Variants in ALK observed in about 807,000 individuals in gnomAD.
ALK encodes ALK tyrosine kinase receptor.
Under a neutral mutation model 163.1 loss-of-function variants are expected in ALK, and 74 were observed. That is an observed-to-expected ratio of 0.45 (90% CI 0.38 to 0.55). ALK has a LOEUF of 0.55. Ranked by LOEUF, ALK falls within the 20% of genes least tolerant of loss-of-function variation. The pLI is 0.00. For missense variants in ALK, 2,063 were observed against 2,105.3 expected (o/e 0.98, Z 0.39); for synonymous variants, 960 against 843.2 (o/e 1.14, Z -2.40).
rs577373586 is a variant in ALK, at chr2:29,560,058, C to T, written c.953-27942G>A. Among the ~76,000 whole-genome samples, 3 of 152,212 alleles carry T rather than the reference C, an allele frequency of 2.0e-5. No homozygotes were observed. In the East Asian group the frequency reaches 5.8e-4, roughly 29 times the overall value. On this transcript the variant is annotated intron_variant, in intron 3 of 28. Transcript: ENST00000389048. ...TTTTGAAGTTTCCTAAAATATTAAG[C>T]ATGTGGTTAACATATATCTAGCAAT...
At chr2:29,881,839 T>G (rs1264432582) in intron 1 of ALK, among the ~76,000 whole-genome samples, 10 of 152,128 alleles carry the variant, frequency 6.6e-5, no homozygotes, top group Non-Finnish European at 1.5e-4. Context: ...TTACCTGTAC[T>G]CCCCCATTTT....
Position 29,282,368 on chromosome 2 carries a change from A to G in ALK, c.1818-6872T>C, listed in dbSNP as rs143967733. Among the ~76,000 whole-genome samples the G allele has an allele frequency of 2.0e-5, 3 of 152,342 alleles. No homozygotes were observed. In the East Asian group the frequency reaches 5.8e-4, roughly 29 times the overall value. On this transcript the variant is annotated intron_variant, in intron 9 of 28. Transcript: ENST00000389048. ...CCACATCCCTCCTATTATCTGTATA[A>G]TGGACTTCAGCTCTAAGATGAAGAT...
chr2:29,519,702 G>A (rs1025407739), intron 4 of ALK, among the ~76,000 whole-genome samples: 2 of 152,188 alleles, frequency 1.3e-5, no homozygotes, highest in African/African-American at 4.8e-5. Context: ...CTGAGAGGAT[G>A]AGCCAATGGT....
chr2:29,579,710 T>C (rs1258943807), intron 3 of ALK, among the ~76,000 whole-genome samples: 1 of 152,168 alleles, frequency 6.6e-6, no homozygotes, highest in Admixed American at 6.5e-5. Flanking sequence ...GATTGAGAGC[T>C]GTTTCATTTG....
At chr2:29,330,442 C>T (rs1054350595) in intron 5 of ALK, among the ~76,000 whole-genome samples, 3 of 152,222 alleles carry the variant, frequency 2.0e-5, no homozygotes, top group African/African-American at 2.4e-5. Context: ...GCCTCCAGAA[C>T]GCTTGTGCAC....
At chr2:29,842,896 C>T (rs1025328483) in intron 1 of ALK, among the ~76,000 whole-genome samples, 9 of 152,114 alleles carry the variant, frequency 5.9e-5, no homozygotes, top group Non-Finnish European at 1.2e-4. Context: ...CCATCTTCCT[C>T]GGATGTTTCT....
chr2:29,736,741 A>T (rs1679902397), intron 1 of ALK, among the ~76,000 whole-genome samples: 1 of 152,094 alleles, frequency 6.6e-6, no homozygotes, highest in Admixed American at 6.5e-5. Flanking sequence ...AAAATCAATG[A>T]CAAGACATAG....
intron 4 of ALK, among the ~76,000 whole-genome samples, chr2:29,433,226 G>A (rs1670322194): frequency 1.3e-5 from 2 of 152,146 alleles, no homozygotes; most frequent in South Asian, 4.2e-4. Context: ...GTCTGCAGCA[G>A]TGCTTCTCAA....
chr2:29,228,099 C>T (rs532747145), intron 16 of ALK, among the ~76,000 whole-genome samples: 1 of 152,252 alleles, frequency 6.6e-6, no homozygotes, highest in South Asian at 2.1e-4. Context: ...GAAATGAGCC[C>T]CTGTGCCCTG....
chr2:29,880,997 G>T (rs1480764797), intron 1 of ALK, among the ~76,000 whole-genome samples: 1 of 152,222 alleles, frequency 6.6e-6, no homozygotes, highest in Non-Finnish European at 1.5e-5. Context: ...AGGGTGGACA[G>T]TTCAACTAAG....
At chr2:29,275,063 A>G (rs1326662983) in intron 11 of ALK, 36 bp downstream of exon 11, 1 of 1,613,654 alleles carries the variant, frequency 6.2e-7, no homozygotes, top group East Asian at 2.2e-5. Flanking sequence ...TGCAACAAGA[A>G]GTTACTGTGC....
At chr2:29,521,894 G>A (rs1337204312) in intron 4 of ALK, among the ~76,000 whole-genome samples, 4 of 152,144 alleles carry the variant, frequency 2.6e-5, no homozygotes, top group African/African-American at 4.8e-5. Flanking sequence ...AGCCTTTCTG[G>A]ATAGGCTCTC....
chr2:29,828,837 A>C (rs1431521021), intron 1 of ALK, among the ~76,000 whole-genome samples: 1 of 152,102 alleles, frequency 6.6e-6, no homozygotes, highest in African/African-American at 2.4e-5. Context: ...AGGATTATAA[A>C]TCATGCTGCT....
chr2:29,646,375 C>A (rs746042141), intron 3 of ALK, among the ~76,000 whole-genome samples: 6 of 152,144 alleles, frequency 3.9e-5, no homozygotes, highest in Non-Finnish European at 7.3e-5. Context: ...GAAAATATTT[C>A]TACACATCTA....
chr2:29,347,196 C>T (rs1667974331), intron 5 of ALK, among the ~76,000 whole-genome samples: 2 of 152,112 alleles, frequency 1.3e-5, no homozygotes, highest in South Asian at 2.1e-4. Context: ...GAACTAGAAC[C>T]GTGGTCTCCT....
chr2:29,888,036 A>C (rs1354131939), intron 1 of ALK, among the ~76,000 whole-genome samples: 1 of 152,168 alleles, frequency 6.6e-6, no homozygotes, highest in Non-Finnish European at 1.5e-5. Flanking sequence ...AGGAGAGAGT[A>C]AGTCCAAAAA....
chr2:29,625,813 T>C (rs17041303), intron 3 of ALK, among the ~76,000 whole-genome samples: 2,664 of 152,254 alleles, frequency 0.017, 72 homozygotes, highest in African/African-American at 0.059. Context: ...TGAGAGGAAG[T>C]TGACATCACT....
intron 1 of ALK, among the ~76,000 whole-genome samples, chr2:29,868,847 T>A (rs1312768907): frequency 4.0e-5 from 2 of 50,254 alleles, no homozygotes; most frequent in Non-Finnish European, 9.7e-5. Flanking sequence ...TCTACATAGC[T>A]ACTGAGGTAA....
intron 5 of ALK, among the ~76,000 whole-genome samples, chr2:29,375,634 A>AC (rs2148296046): frequency 6.6e-6 from 1 of 152,248 alleles, no homozygotes; most frequent in South Asian, 2.1e-4. Context: ...ATTTTAAATG[A>AC]CAAAAAAACC....
Sources: allele counts gnomAD v4.1 joint callset (sites outside exome capture counted in the v4.1 genomes callset), GRCh38; gene constraint gnomAD v4.1.1; transcripts MANE v1.5; gene names NCBI Gene and HGNC (gene_info 2026-07-23, HGNC 2026-07-21).